The following SLIT1 variants were observed in gnomAD, a reference collection of about 807,000 sequenced individuals.
SLIT1 encodes the protein slit guidance ligand 1, also known as slit homolog 1 protein.
In SLIT1, 66 loss-of-function variants were observed where a neutral mutation model predicts 186.1. The ratio of observed to expected loss-of-function variants is 0.35; its 90% CI spans 0.29 to 0.44. The LOEUF (loss-of-function observed/expected upper bound fraction) is 0.44, where lower values mean the gene tolerates loss of function less well. Ranked by LOEUF, SLIT1 falls within the 20% of genes least tolerant of loss-of-function variation. SLIT1 has a pLI of 1.00. For missense variants in SLIT1, 1,638 were observed against 2,037.4 expected (o/e 0.80, Z 3.77); for synonymous variants, 761 against 833.8 (o/e 0.91, Z 1.50).
At chr10:97,177,539 T>C (rs1361334125) in intron 1 of SLIT1, among the ~76,000 whole-genome samples, 4 of 152,200 alleles carry the variant, frequency 2.6e-5, no homozygotes, top group African/African-American at 9.7e-5. Flanking sequence ...AACACAAATG[T>C]ATTATCTTTC....
At chr10:97,030,654 G>A (rs1222129620) in intron 25 of SLIT1, 103 bp downstream of exon 25, 24 of 978,294 alleles carry the variant, frequency 2.5e-5, no homozygotes, top group Non-Finnish European at 3.4e-5. Context: ...TAATTTCAGA[G>A]TAAAAGCAAC....
At chr10:97,133,677 AT>A (rs1374933096) in intron 4 of SLIT1, among the ~76,000 whole-genome samples, 5 of 152,178 alleles carry the variant, frequency 3.3e-5, no homozygotes, top group Admixed American at 1.3e-4. Flanking sequence ...CACAATTTAA[AT>A]TTTTTTAATA....
chr10:97,164,967 C>T, intron 1 of SLIT1, 77 bp from the exon 2 acceptor site: 1 of 1,095,912 alleles, frequency 9.1e-7, no homozygotes, highest in Admixed American at 1.7e-5. Flanking sequence ...CTCCAGGTGC[C>T]CTCCCCGCCT....
At chr10:97,089,524 G>A (rs1679735429) in intron 4 of SLIT1, among the ~76,000 whole-genome samples, 1 of 152,200 alleles carries the variant, frequency 6.6e-6, no homozygotes, top group African/African-American at 2.4e-5. Context: ...CTGAAGATGA[G>A]TGTGAAGCCT....
intron 3 of SLIT1, among the ~76,000 whole-genome samples, chr10:97,161,645 G>A (rs1564691254): frequency 6.6e-6 from 1 of 152,184 alleles, no homozygotes; most frequent in African/African-American, 2.4e-5. Flanking sequence ...GGGCGTGGTG[G>A]CTGGCGCCTG....
intron 13 of SLIT1, among the ~76,000 whole-genome samples, chr10:97,053,688 C>T (rs570133695): frequency 2.6e-5 from 4 of 152,310 alleles, no homozygotes; most frequent in African/African-American, 9.6e-5. Context: ...TGCCTAACTG[C>T]AGGCTCAGAA....
At chr10:97,033,791 C>A (rs1402943605) in intron 23 of SLIT1, among the ~76,000 whole-genome samples, 3 of 151,630 alleles carry the variant, frequency 2.0e-5, no homozygotes, top group Non-Finnish European at 4.4e-5. Flanking sequence ...GTCAGGACAG[C>A]AGCTGCCTTG....
chr10:97,001,419 G>A (rs1355204775), intron 36 of SLIT1, 69 bp from the exon 37 acceptor site: 3 of 1,231,066 alleles, frequency 2.4e-6, no homozygotes, highest in South Asian at 1.3e-5. Context: ...CTCCAGGGAG[G>A]CAGGAGGAAG....
In SLIT1 at chr10:97,046,812, G is replaced by A. The variant is rs185690776; in HGVS notation, c.1710-15C>T. The A allele has an allele frequency of 6.7e-4, 1,086 of 1,609,242 alleles. 3 individuals are homozygous for A. In the African/African-American group the frequency reaches 7.9e-3, roughly 12 times the overall value. On this transcript the variant is annotated splice_polypyrimidine_tract_variant and intron_variant, in intron 17 of 36. Transcript: ENST00000266058. ...TGCTCAGATTGCTGGGAGAAGAGGC[G>A]GGGGGAGGATTACATATGGCCAGCA...
chr10:97,022,597 T>C lies in SLIT1; in HGVS notation c.2583-1184A>G, dbSNP rs1390383481. ...TGCCTTCTGATCCAGCCATTGTTTCTGGGCGTTTACCTGTAGGCACACATA... is the reference window on the plus strand; with the variant it reads ...TGCCTTCTGATCCAGCCATTGTTTCCGGGCGTTTACCTGTAGGCACACATA... On this transcript the variant is annotated intron_variant, in intron 25 of 36. Coordinates refer to ENST00000266058, the MANE Select transcript of SLIT1 (RefSeq NM_003061.3). This position sits in a 1 kb window ranked among gnomAD's most constrained non-coding sequence, Gnocchi z 4.2. Among the ~76,000 whole-genome samples the C allele has an allele frequency of 6.6e-6, 1 of 152,244 alleles. No homozygotes were observed. The highest frequency in any genetic ancestry group is 1.5e-5 in the Non-Finnish European group (1 of 68,042).
At chr10:97,134,767 C>T (rs190286507) in intron 4 of SLIT1, among the ~76,000 whole-genome samples, 1 of 152,338 alleles carries the variant, frequency 6.6e-6, no homozygotes, top group Admixed American at 6.5e-5. Context: ...ACATTCTCTT[C>T]CCCTTTGATT....
chr10:97,143,997 A>G lies in SLIT1; in HGVS notation c.413+13821T>C, dbSNP rs952319191. Among the ~76,000 whole-genome samples, 11 of 152,322 alleles carry G rather than the reference A, an allele frequency of 7.2e-5. No individual in the cohort carries two copies. The South Asian group carries it at 2.1e-3, about 29-fold the overall frequency. On this transcript the variant is annotated intron_variant, in intron 4 of 36. Coordinates refer to ENST00000266058, the MANE Select transcript of SLIT1 (RefSeq NM_003061.3). ...CGAATCACCTGAGGTCAGGAGTTCAAGACCAGCCTGGCCAACATGGCGAAA... is the reference window on the plus strand; with the variant it reads ...CGAATCACCTGAGGTCAGGAGTTCAGGACCAGCCTGGCCAACATGGCGAAA...
At chr10:97,053,156 A>G (rs1331230996) in intron 13 of SLIT1, among the ~76,000 whole-genome samples, 1 of 152,232 alleles carries the variant, frequency 6.6e-6, no homozygotes, top group Non-Finnish European at 1.5e-5. Flanking sequence ...GTAAGTATTA[A>G]GATAATACAT....
chr10:97,014,256 C>A lies in SLIT1; in HGVS notation c.2970-98G>T, dbSNP rs148284797. On this transcript the variant is annotated intron_variant, in intron 28 of 36. Coordinates refer to ENST00000266058, the MANE Select transcript of SLIT1 (RefSeq NM_003061.3). ...TATCACCATTCCACGGAGTTAGGGT[C>A]CCTAATCCCGGCCAGGCCCTTGCCA... The A allele has an allele frequency of 7.8e-4, 1,123 of 1,430,886 alleles. 7 individuals carry two copies. In the African/African-American group the frequency reaches 0.014, roughly 18 times the overall value. The allele number at this position is 1,430,886 out of a possible 1,614,324, so 88.6% of individuals were successfully genotyped here. A position where few individuals can be genotyped will look rare whatever the true frequency, so the allele number is the denominator to read the frequency against.
Position 97,157,849 on chromosome 10 carries a change from G to A in SLIT1, c.382C>T (p.Leu128=). 6.2e-7 allele frequency: 1 copy of A among 1,613,982 alleles called. No individual in the cohort carries two copies. Among genetic ancestry groups the A allele is most frequent in the Non-Finnish European group, 8.5e-7 (1 of 1,179,804 alleles). ...RNQLHMLPEL[L]FQNNQALSRL... ...GACAAAGCCTGGTTGTTCTGGAACA[G>A]CAGTTCCGGTAACATGTGCAGCTGG... Residue 128 remains leucine (L), a synonymous_variant, in exon 4 of 37, where the codon CTG becomes TTG. Transcript: ENST00000266058.
rs1227926002 is a variant in SLIT1 at position 97,003,004 on chromosome 10, G to T, written c.3866-12C>A. On this transcript the variant is annotated splice_polypyrimidine_tract_variant and intron_variant, in intron 34 of 36. Coordinates refer to ENST00000266058, the MANE Select transcript of SLIT1 (RefSeq NM_003061.3). ...ATCCACGGGCATCCCTGGGGTAGGG[G>T]AGGGAGCAGAGCTGGGCTGAGTAAA... The T allele has an allele frequency of 6.2e-7, 1 of 1,610,198 alleles. No individual in the cohort carries two copies. The highest frequency in any genetic ancestry group is 8.5e-7 in the Non-Finnish European group (1 of 1,177,656).
At chr10:97,128,393 G>T (rs201735104) in intron 4 of SLIT1, among the ~76,000 whole-genome samples, 1 of 152,140 alleles carries the variant, frequency 6.6e-6, no homozygotes, top group Non-Finnish European at 1.5e-5. Context: ...GGCTAGAAGC[G>T]CACGTGTGCA....
chr10:97,047,768 C>T lies in SLIT1; in HGVS notation c.1556G>A (p.Cys519Tyr). The T allele has an allele frequency of 1.2e-6, 2 of 1,614,122 alleles. No individual in the cohort carries two copies. ...SDVVCPHKCR[C>Y]EANVVECSSL... is the part of the protein sequence containing the mutation. ...GGAGCACTCCACCACGTTGGCCTCA[C>T]AGCGGCACTTGTGGGGACAGACCAC... The change falls in exon 16 of 37, where the codon TGT (cysteine) becomes TAT (tyrosine). Residue 519 changes from cysteine to tyrosine, a missense_variant. By Grantham distance (194) the Cys-to-Tyr change is radical. Transcript: ENST00000266058.
chr10:97,185,691 C>A lies in SLIT1; in HGVS notation c.-17G>T. On this transcript the variant is annotated 5_prime_UTR_variant, in exon 1 of 37. Transcript: ENST00000266058. ...CAGCGCCATGGTGCCCTCACAGCGT[C>A]CCGCTCGCGAGCCAGACGGCAGCAG... is the stretch of plus-strand genomic sequence containing the variant. 6.7e-7 allele frequency: 1 copy of A among 1,486,528 alleles called. No individual in the cohort carries two copies. The highest frequency in any genetic ancestry group is 8.9e-7 in the Non-Finnish European group (1 of 1,127,010). 92.1% of individuals were successfully genotyped at this position (1,486,528 alleles called of 1,614,324 possible).
Sources: gnomAD v4.1 joint callset for allele counts (sites outside exome capture counted in the v4.1 genomes callset) on GRCh38, gnomAD v4.1.1 for gene constraint, Gnocchi (gnomAD v3.1) non-coding constraint, MANE v1.5 for transcripts, NCBI Gene and HGNC (gene_info 2026-07-23, HGNC 2026-07-21) for gene names.